GULP1: variants seen among roughly 807,000 people sequenced by gnomAD.
GULP1 encodes the protein GULP PTB domain containing engulfment adaptor 1.
Under a neutral mutation model 40.9 loss-of-function variants are expected in GULP1, and 19 were observed. The observed-to-expected ratio is 0.46, with a 90% confidence interval of 0.32 to 0.68. The LOEUF is 0.68. GULP1 is among the 30% of genes least tolerant of loss of function. The pLI is 0.03. For missense variants in GULP1, 312 were observed against 362.2 expected (o/e 0.86, Z 1.12); for synonymous variants, 119 against 117.6 (o/e 1.01, Z -0.08).
intron 2 of GULP1, among the ~76,000 whole-genome samples, chr2:188,416,832 A>G (rs1283924704): frequency 6.6e-6 from 1 of 152,236 alleles, no homozygotes; most frequent in Admixed American, 6.5e-5. Flanking sequence ...GTTTAATCAG[A>G]TATAGTTAGG....
In GULP1 at chr2:188,352,618, T is replaced by TCTCACACACACACACACACA. The variant is rs578003996; in HGVS notation, c.-171-31144_-171-31143insTCACACACACACACACACAC. Reference sequence around the variant, plus strand: ...TGCTCTCTTTCTCTCTCTCTCTCTCTCACACACACACACACACACACACAC... The same window carrying TCTCACACACACACACACACA: ...TGCTCTCTTTCTCTCTCTCTCTCTCTCTCACACACACACACACACACACACACACACACACACACACACAC... On this transcript the variant is annotated intron_variant, in intron 1 of 11. Coordinates refer to ENST00000409830, the MANE Select transcript of GULP1 (RefSeq NM_016315.4). Among the ~76,000 whole-genome samples the TCTCACACACACACACACACA allele has an allele frequency of 2.7e-3, 364 of 134,482 alleles. 1 individual carries two copies. Among genetic ancestry groups the TCTCACACACACACACACACA allele is most frequent in the East Asian group, 0.01 (44 of 4,302 alleles). 88.2% of individuals were successfully genotyped at this position (134,482 alleles called of 152,430 possible).
At chr2:188,299,454 T>A (rs2035722502) in intron 1 of GULP1, among the ~76,000 whole-genome samples, 1 of 152,158 alleles carries the variant, frequency 6.6e-6, no homozygotes, top group South Asian at 2.1e-4. Flanking sequence ...TCTTATTCAA[T>A]GAGATTTTGT....
At chr2:188,400,921 G>GTT (rs1295402042) in intron 2 of GULP1, among the ~76,000 whole-genome samples, 1 of 109,328 alleles carries the variant, frequency 9.1e-6, no homozygotes, top group Non-Finnish European at 1.9e-5. Context: ...AGAGTGGTGT[G>GTT]TTTGTGTGTG....
At chr2:188,318,648 A>G (rs545420755) in intron 1 of GULP1, among the ~76,000 whole-genome samples, 138 of 147,594 alleles carry the variant, frequency 9.3e-4, no homozygotes, top group Non-Finnish European at 4.7e-4. Context: ...GTGAGTTACT[A>G]TAAGTTAACT....
chr2:188,561,657 A>G (rs1178527133), intron 7 of GULP1, among the ~76,000 whole-genome samples: 1 of 152,152 alleles, frequency 6.6e-6, no homozygotes, highest in Non-Finnish European at 1.5e-5. Context: ...GGGCAGGGGC[A>G]GGGCAATTCT....
chr2:188,363,233 T>G (rs941951504), intron 1 of GULP1, among the ~76,000 whole-genome samples: 3 of 152,150 alleles, frequency 2.0e-5, no homozygotes, highest in Admixed American at 1.3e-4. Flanking sequence ...TTTTTACACC[T>G]TTGAATAATT....
At chr2:188,313,988 A>G (rs1220144046) in intron 1 of GULP1, among the ~76,000 whole-genome samples, 7 of 151,282 alleles carry the variant, frequency 4.6e-5, no homozygotes, top group African/African-American at 1.5e-4. Context: ...TTAAAGTTTC[A>G]TAAAAAGGAA....
At chr2:188,307,805 G>A (rs1182012312) in intron 1 of GULP1, among the ~76,000 whole-genome samples, 2 of 152,306 alleles carry the variant, frequency 1.3e-5, no homozygotes, top group East Asian at 3.9e-4. Context: ...TGATATGGGA[G>A]CAGGAAGAAC....
At chr2:188,564,562 T>C (rs982646902) in intron 7 of GULP1, among the ~76,000 whole-genome samples, 1 of 151,778 alleles carries the variant, frequency 6.6e-6, no homozygotes, top group East Asian at 1.9e-4. Flanking sequence ...TTGATGTAAG[T>C]AAAAAAGACC....
intron 1 of GULP1, among the ~76,000 whole-genome samples, chr2:188,373,687 T>A (rs983950518): frequency 6.6e-6 from 1 of 151,980 alleles, no homozygotes; most frequent in African/African-American, 2.4e-5. Flanking sequence ...TACTTAGCTA[T>A]TGTCTTTGGG....
rs966470046 is a variant in GULP1 at position 188,428,884 on chromosome 2, T to G, written c.-45+44995T>G. 2.7e-5 allele frequency among the ~76,000 whole-genome samples: 4 copies of G among 147,720 alleles called. 1 individual carries two copies. Among genetic ancestry groups the G allele is most frequent in the Admixed American group, 6.7e-5 (1 of 15,022 alleles). On this transcript the variant is annotated intron_variant, in intron 2 of 11. Transcript: ENST00000409830. ...GCTCTAAGGACTTTAAAAAAAAGTG[T>G]GTTTTTTTTTTAATTTACTCTGGAA...
At chr2:188,375,798 G>A (rs1230522553) in intron 1 of GULP1, among the ~76,000 whole-genome samples, 3 of 152,026 alleles carry the variant, frequency 2.0e-5, no homozygotes, top group Non-Finnish European at 1.5e-5. Flanking sequence ...AAAATATGGG[G>A]AATATTTGGA....
At chr2:188,429,102 C>CTA (rs2056561924) in intron 2 of GULP1, among the ~76,000 whole-genome samples, 1 of 152,070 alleles carries the variant, frequency 6.6e-6, no homozygotes, top group African/African-American at 2.4e-5. Context: ...AGGCCTGGTA[C>CTA]TATATCACAT....
intron 2 of GULP1, among the ~76,000 whole-genome samples, chr2:188,448,391 A>G (rs574566501): frequency 6.6e-6 from 1 of 152,320 alleles, no homozygotes; most frequent in South Asian, 2.1e-4. Context: ...CAATTTAAAA[A>G]CAGTAAAAAT....
chr2:188,463,708 C>G (rs944659952), intron 2 of GULP1, among the ~76,000 whole-genome samples: 5 of 149,846 alleles, frequency 3.3e-5, no homozygotes, highest in Non-Finnish European at 7.4e-5. Context: ...CTTCGTTTTT[C>G]TCCTCTGACT....
chr2:188,530,414 A>G (rs1687234652), intron 6 of GULP1, among the ~76,000 whole-genome samples: 1 of 152,226 alleles, frequency 6.6e-6, no homozygotes, highest in Admixed American at 6.5e-5. Flanking sequence ...TCATTAACAT[A>G]TACTTGTTTT....
chr2:188,361,571 A>T (rs2046092953), intron 1 of GULP1, among the ~76,000 whole-genome samples: 1 of 152,100 alleles, frequency 6.6e-6, no homozygotes, highest in African/African-American at 2.4e-5. Flanking sequence ...TCATTACAGA[A>T]AAAATATGGA....
chr2:188,463,423 C>T (rs1436550229), intron 2 of GULP1, among the ~76,000 whole-genome samples: 1 of 152,104 alleles, frequency 6.6e-6, no homozygotes, highest in Non-Finnish European at 1.5e-5. Flanking sequence ...TTTCTTTTCT[C>T]TTGCTGCTTT....
At chr2:188,572,130 C>T (rs964564398) in intron 9 of GULP1, among the ~76,000 whole-genome samples, 29 of 152,140 alleles carry the variant, frequency 1.9e-4, no homozygotes, top group African/African-American at 7.0e-4. Flanking sequence ...TCAGAAATGA[C>T]AAAGGACAGG....
Sources: gnomAD v4.1 joint callset for allele counts (sites outside exome capture counted in the v4.1 genomes callset) on GRCh38, gnomAD v4.1.1 for gene constraint, MANE v1.5 for transcripts, NCBI Gene and HGNC (gene_info 2026-07-23, HGNC 2026-07-21) for gene names.